The following WSCD2 variants were observed in gnomAD, a reference collection of about 807,000 sequenced individuals.
WSCD2 encodes the protein WSC domain sialate O sulfotransferase 2.
Under a neutral mutation model 55.7 loss-of-function variants are expected in WSCD2, and 28 were observed. The observed-to-expected ratio is 0.50, with a 90% CI of 0.37 to 0.69. The LOEUF is 0.69. Ranked by LOEUF, WSCD2 falls within the 30% of genes least tolerant of loss-of-function variation. The probability of loss-of-function intolerance (pLI) is 0.00; values close to 1 mark genes in which losing one functional copy is unlikely to be tolerated. For synonymous variants in WSCD2, 301 were observed against 301.9 expected (o/e 1.00, Z 0.03); for missense variants, 616 against 762.1 (o/e 0.81, Z 2.26).
At chr12:108,219,634 CTG>C (rs1385022093) in intron 4 of WSCD2, among the ~76,000 whole-genome samples, 6 of 152,210 alleles carry the variant, frequency 3.9e-5, no homozygotes, top group African/African-American at 1.2e-4. Context: ...TCAGACACGA[CTG>C]TGTCTTCCCA....
intron 6 of WSCD2, among the ~76,000 whole-genome samples, chr12:108,232,150 G>A (rs1395508649): frequency 6.6e-6 from 1 of 152,192 alleles, no homozygotes; most frequent in African/African-American, 2.4e-5. Flanking sequence ...GGCCAACCAT[G>A]TGGGCTTGGA....
rs1276420336 is a variant in WSCD2, at chr12:108,224,279, GA to G, written c.683-458del. Among the ~76,000 whole-genome samples, 3 of 152,092 alleles carry G rather than the reference GA, an allele frequency of 2.0e-5. No individual in the cohort carries two copies. The East Asian group carries it at 5.8e-4, about 29-fold the overall frequency. ...GCCCAGGGCAATGAGAGGGAGAGGAGAACCCTGGTAGTAGTGAGTAAGGACA... is the reference window on the plus strand; with the variant it reads ...GCCCAGGGCAATGAGAGGGAGAGGAGACCCTGGTAGTAGTGAGTAAGGACA... On this transcript the variant is annotated intron_variant, in intron 4 of 8. Coordinates refer to ENST00000547525, the MANE Select transcript of WSCD2 (RefSeq NM_014653.4).
intron 6 of WSCD2, 65 bp from the exon 7 acceptor site, chr12:108,232,666 G>A: frequency 6.7e-7 from 1 of 1,486,714 alleles, no homozygotes; most frequent in Non-Finnish European, 9.1e-7. Context: ...CTCATACCCT[G>A]GCCCTTTCAG....
At chr12:108,215,622 T>G (rs1447466623) in intron 4 of WSCD2, among the ~76,000 whole-genome samples, 4 of 152,172 alleles carry the variant, frequency 2.6e-5, no homozygotes, top group Admixed American at 2.6e-4. Flanking sequence ...CTCTCTCTGA[T>G]TATAGGTAGC....
intron 1 of WSCD2, among the ~76,000 whole-genome samples, chr12:108,132,846 C>T (rs1318637588): frequency 6.6e-6 from 1 of 152,186 alleles, no homozygotes; most frequent in African/African-American, 2.4e-5. Context: ...TATGCACTTA[C>T]AGGCATTATG....
chr12:108,203,559 G>A (rs1884971259), intron 2 of WSCD2, among the ~76,000 whole-genome samples: 1 of 152,182 alleles, frequency 6.6e-6, no homozygotes, highest in Non-Finnish European at 1.5e-5. Context: ...GGAAAGTAAG[G>A]TCTGCTGATG....
intron 1 of WSCD2, among the ~76,000 whole-genome samples, chr12:108,171,090 A>C (rs1253762380): frequency 6.6e-6 from 1 of 152,226 alleles, no homozygotes; most frequent in African/African-American, 2.4e-5. Flanking sequence ...GGTGGCAGAG[A>C]CACAAGTCAC....
chr12:108,151,450 C>T (rs1293347814), intron 1 of WSCD2, among the ~76,000 whole-genome samples: 2 of 152,202 alleles, frequency 1.3e-5, no homozygotes, highest in East Asian at 3.9e-4. Flanking sequence ...CAAATGACCT[C>T]CTCCCCAGGG....
intron 7 of WSCD2, 92 bp from the exon 8 acceptor site, chr12:108,240,252 T>C: frequency 6.7e-7 from 1 of 1,496,734 alleles, no homozygotes; most frequent in East Asian, 2.3e-5. Flanking sequence ...AACAAATGCA[T>C]GAGGATTCCC....
intron 1 of WSCD2, among the ~76,000 whole-genome samples, chr12:108,130,749 A>G (rs1181637529): frequency 2.6e-5 from 4 of 152,006 alleles, no homozygotes; most frequent in South Asian, 2.1e-4. Context: ...GACCATTCCT[A>G]TTGGAGCCTG....
At chr12:108,212,936 T>G (rs1230855184) in intron 4 of WSCD2, among the ~76,000 whole-genome samples, 1 of 152,186 alleles carries the variant, frequency 6.6e-6, no homozygotes, top group Non-Finnish European at 1.5e-5. Flanking sequence ...CACCTTCAGC[T>G]GGAGACCCTA....
chr12:108,227,052 C>T lies in WSCD2; in HGVS notation c.867C>T (p.Phe289=), dbSNP rs1565984830. 8 of 1,614,242 alleles carry T rather than the reference C, an allele frequency of 5.0e-6. No homozygotes were observed. Among genetic ancestry groups the T allele is most frequent in the Admixed American group, 1.7e-5 (1 of 60,030 alleles). The change falls in exon 6 of 9, where the codon TTC becomes TTT. Residue 289 remains phenylalanine (F), a synonymous_variant. Coordinates refer to ENST00000547525, the MANE Select transcript of WSCD2 (RefSeq NM_014653.4). ...ACTGTGGGTTTCCCACCACCCGATT[C>T]CCGCTCCATGACAGAGAGGATGAGC... ...ACHCGFPTTR[F]PLHDREDEQL... is the part of the protein sequence containing the mutation.
chr12:108,189,579 G>A (rs746884053), intron 1 of WSCD2: 1 of 152,128 alleles, frequency 6.6e-6, no homozygotes, highest in Non-Finnish European at 1.5e-5. Context: ...CTACCAAACT[G>A]ACCAAAAAGG....
intron 4 of WSCD2, among the ~76,000 whole-genome samples, chr12:108,223,507 T>C (rs1352209659): frequency 6.6e-6 from 1 of 152,248 alleles, no homozygotes; most frequent in African/African-American, 2.4e-5. Flanking sequence ...CCAGACATTA[T>C]TGGCACAATT....
intron 1 of WSCD2, among the ~76,000 whole-genome samples, chr12:108,194,693 C>A (rs1293728383): frequency 1.3e-5 from 2 of 152,094 alleles, no homozygotes; most frequent in Non-Finnish European, 2.9e-5. Flanking sequence ...CCTTTTCCTT[C>A]TTGGATAGAG....
At position 108,227,073 on chromosome 12, in the gene WSCD2, T is replaced by G; in HGVS notation, c.888T>G (p.Asp296Glu). The G allele has an allele frequency of 5.6e-6, 9 of 1,614,230 alleles. No individual in the cohort carries two copies. The highest frequency in any genetic ancestry group is 7.6e-6 in the Non-Finnish European group (9 of 1,180,038). The stretch of plus-strand genomic sequence containing the variant: ...GATTCCCGCTCCATGACAGAGAGGA[T>G]GAGCAGCTCTGTGCCCAGAAGTGCA... ...TTRFPLHDRE[D>E]EQLCAQKCSA... The change falls in exon 6 of 9, where the codon GAT becomes GAG. Residue 296 changes from aspartate to glutamate, a missense_variant. Asp to Glu is a conservative substitution (Grantham distance 45). This residue lies in a region of WSCD2 where 374 missense variants were observed against 467.4 expected (regional missense o/e 0.80). Coordinates refer to ENST00000547525, the MANE Select transcript of WSCD2 (RefSeq NM_014653.4).
At chr12:108,169,496 G>A (rs992258637) in intron 1 of WSCD2, among the ~76,000 whole-genome samples, 3 of 152,128 alleles carry the variant, frequency 2.0e-5, no homozygotes, top group South Asian at 2.1e-4. Context: ...AGTTTGAAAG[G>A]TCAGTGTGAG....
intron 2 of WSCD2, among the ~76,000 whole-genome samples, chr12:108,199,320 C>T (rs1414249950): frequency 6.6e-6 from 1 of 152,184 alleles, no homozygotes; most frequent in Admixed American, 6.5e-5. Context: ...GATTCAGAGC[C>T]CATCATGGCC....
At chr12:108,186,919 T>G (rs1176627763) in intron 1 of WSCD2, among the ~76,000 whole-genome samples, 1 of 152,178 alleles carries the variant, frequency 6.6e-6, no homozygotes, top group Non-Finnish European at 1.5e-5. Context: ...AGGACTCAAG[T>G]CTTTCTCGGG....
Sources: allele counts gnomAD v4.1 joint callset (sites outside exome capture counted in the v4.1 genomes callset), GRCh38; gene constraint gnomAD v4.1.1; regional missense constraint gnomAD v4.1.1; transcripts MANE v1.5; gene names NCBI Gene and HGNC (gene_info 2026-07-23, HGNC 2026-07-21).